IFT57: variants seen among roughly 807,000 people sequenced by gnomAD.
The protein encoded by IFT57 is intraflagellar transport protein 57 homolog.
A neutral mutation model predicts 56.8 loss-of-function variants in IFT57; 59 were observed. The observed-to-expected ratio is 1.04, with a 90% CI of 0.84 to 1.29. IFT57 has a LOEUF of 1.29. IFT57 is among the 50% of genes most tolerant of loss of function. The probability of loss-of-function intolerance (pLI) is 0.00; values close to 1 mark genes in which losing one functional copy is unlikely to be tolerated. For synonymous variants in IFT57, 209 were observed against 186.1 expected (o/e 1.12, Z -1.00); for missense variants, 470 against 522.1 (o/e 0.90, Z 0.97).
At chr3:108,210,811 G>A (rs1290466065) in intron 4 of IFT57, among the ~76,000 whole-genome samples, 1 of 152,170 alleles carries the variant, frequency 6.6e-6, no homozygotes, top group Non-Finnish European at 1.5e-5. Flanking sequence ...GAGACTTGAT[G>A]CAAGGGAATG....
intron 6 of IFT57, among the ~76,000 whole-genome samples, chr3:108,189,658 T>C (rs2080204187): frequency 6.6e-6 from 1 of 152,140 alleles, no homozygotes; most frequent in Non-Finnish European, 1.5e-5. Context: ...AGAATAGTAT[T>C]GCCTAGTTAC....
intron 4 of IFT57, among the ~76,000 whole-genome samples, chr3:108,209,130 G>T (rs995943500): frequency 6.6e-6 from 1 of 152,142 alleles, no homozygotes; most frequent in Non-Finnish European, 1.5e-5. Context: ...TTACAGAAAT[G>T]AGAATTGTGA....
At chr3:108,220,276 A>G (rs1419126066) in intron 1 of IFT57, among the ~76,000 whole-genome samples, 5 of 152,244 alleles carry the variant, frequency 3.3e-5, no homozygotes, top group African/African-American at 1.2e-4. Context: ...TACGAGGATC[A>G]GTATGATTTA....
intron 6 of IFT57, among the ~76,000 whole-genome samples, chr3:108,183,539 A>C (rs566201845): frequency 6.6e-6 from 1 of 152,256 alleles, no homozygotes; most frequent in East Asian, 1.9e-4. Flanking sequence ...CTTCTAGTTT[A>C]GCCCACCTGA....
chr3:108,198,082 A>G (rs2080253312), intron 5 of IFT57, among the ~76,000 whole-genome samples: 1 of 152,126 alleles, frequency 6.6e-6, no homozygotes, highest in Admixed American at 6.6e-5. Context: ...TGAAACAGGG[A>G]GTCTTATTAC....
chr3:108,162,519 C>A lies in IFT57; in HGVS notation c.1248G>T (p.Met416Ile). Reference sequence around the variant, plus strand: ...CTGGTTCTGGAATAACTGTGGCATGCATGTTCCTAGTCATGTTGGACTTCT... The same window carrying A: ...CTGGTTCTGGAATAACTGTGGCATGAATGTTCCTAGTCATGTTGGACTTCT... ...LKEKSNMTRN[M>I]HATVIPEPAT... is the part of the protein sequence containing the mutation. Residue 416 changes from methionine (M) to isoleucine (I), a missense_variant, in exon 11 of 11, where the codon ATG (methionine) becomes ATT (isoleucine). By Grantham distance (10) the Met-to-Ile change is conservative. Transcript: ENST00000264538. The A allele has an allele frequency of 6.2e-7, 1 of 1,610,016 alleles. No individual in the cohort carries two copies. The highest frequency in any genetic ancestry group is 8.5e-7 in the Non-Finnish European group (1 of 1,177,448).
At chr3:108,189,280 T>G (rs2080201966) in intron 6 of IFT57, among the ~76,000 whole-genome samples, 2 of 152,198 alleles carry the variant, frequency 1.3e-5, no homozygotes. Context: ...TGAATAGAAT[T>G]TGTTCTACAG....
At chr3:108,193,652 A>T (rs1037080490) in intron 5 of IFT57, among the ~76,000 whole-genome samples, 1 of 152,218 alleles carries the variant, frequency 6.6e-6, no homozygotes, top group African/African-American at 2.4e-5. Flanking sequence ...GTAGCCCAAG[A>T]GTATCATAGC....
intron 6 of IFT57, among the ~76,000 whole-genome samples, chr3:108,177,400 C>T (rs2080130027): frequency 6.6e-6 from 1 of 151,546 alleles, no homozygotes; most frequent in African/African-American, 2.4e-5. Flanking sequence ...GACAAAGATC[C>T]CTAAAAACAA....
intron 9 of IFT57, among the ~76,000 whole-genome samples, chr3:108,164,297 C>G (rs954392108): frequency 1.3e-5 from 2 of 152,022 alleles, no homozygotes; most frequent in African/African-American, 4.8e-5. Flanking sequence ...CACACTTGTT[C>G]CTATCTGCAC....
At chr3:108,209,406 C>A (rs1275934096) in intron 4 of IFT57, among the ~76,000 whole-genome samples, 1 of 152,098 alleles carries the variant, frequency 6.6e-6, no homozygotes, top group Non-Finnish European at 1.5e-5. Context: ...AAATTATAAC[C>A]ATGCTATGTA....
At chr3:108,179,700 CTT>C (rs1357776579) in intron 6 of IFT57, among the ~76,000 whole-genome samples, 1 of 151,906 alleles carries the variant, frequency 6.6e-6, no homozygotes, top group Non-Finnish European at 1.5e-5. Flanking sequence ...AATTAAATAA[CTT>C]TTTAAAAATG....
intron 5 of IFT57, among the ~76,000 whole-genome samples, chr3:108,191,974 G>A (rs2080217581): frequency 6.6e-6 from 1 of 152,048 alleles, no homozygotes; most frequent in South Asian, 2.1e-4. Flanking sequence ...GGTAACAGTA[G>A]AGAAGATGTT....
intron 2 of IFT57, among the ~76,000 whole-genome samples, chr3:108,219,126 A>T (rs1576053026): frequency 7.1e-6 from 1 of 141,628 alleles, no homozygotes; most frequent in Non-Finnish European, 1.6e-5. Context: ...ATTTTTTTTT[A>T]ATTATCATTT....
intron 5 of IFT57, among the ~76,000 whole-genome samples, chr3:108,198,067 C>T (rs2080253079): frequency 6.6e-6 from 1 of 152,038 alleles, no homozygotes; most frequent in African/African-American, 2.4e-5. Context: ...CCAATAATAA[C>T]ACCATGAAAC....
chr3:108,162,558 T>G lies in IFT57; in HGVS notation c.1209A>C (p.Gln403His), dbSNP rs371511443. The G allele has an allele frequency of 1.9e-5, 30 of 1,612,864 alleles. No individual in the cohort carries two copies. The highest frequency in any genetic ancestry group is 2.5e-5 in the Non-Finnish European group (29 of 1,179,148). ...TGTTGGACTTCTCCTTCAGCTTTGA[T>G]TGGAGTAGTGTGTGTTCCACAATGC... ...RIGIVEHTLL[Q>H]SKLKEKSNMT... Residue 403 changes from glutamine to histidine, a missense_variant, in exon 11 of 11, where the codon CAA (glutamine) becomes CAC (histidine). Gln to His is a conservative substitution (Grantham distance 24, BLOSUM62 0). Coordinates refer to ENST00000264538, the MANE Select transcript of IFT57 (RefSeq NM_018010.4).
chr3:108,180,024 T>A (rs965595360), intron 6 of IFT57, among the ~76,000 whole-genome samples: 1 of 151,998 alleles, frequency 6.6e-6, no homozygotes, highest in Non-Finnish European at 1.5e-5. Context: ...TAGAAATTCA[T>A]CTCATTGTAG....
rs80112750 is a variant in IFT57 at position 108,204,093 on chromosome 3, T to C, written c.654+2535A>G. On this transcript the variant is annotated intron_variant, in intron 5 of 10. Transcript: ENST00000264538. Reference sequence around the variant, plus strand: ...TACTAACCTATATAGCAATTTTGTCTTGGGGAAAGAGCAGCCCAAACCATC... The same window carrying C: ...TACTAACCTATATAGCAATTTTGTCCTGGGGAAAGAGCAGCCCAAACCATC... Among the ~76,000 whole-genome samples the C allele has an allele frequency of 4.7e-3, 720 of 152,310 alleles. 4 individuals carry two copies. Among genetic ancestry groups the C allele is most frequent in the African/African-American group, 0.016 (683 of 41,564 alleles).
At chr3:108,191,787 C>T (rs1390904535) in intron 5 of IFT57, 144 bp from the exon 6 acceptor site, 2 of 499,088 alleles carry the variant, frequency 4.0e-6, no homozygotes, top group Non-Finnish European at 6.7e-6. Context: ...TTTCTGTCTT[C>T]CTACAATGTT....
Sources: allele counts gnomAD v4.1 joint callset (sites outside exome capture counted in the v4.1 genomes callset), GRCh38; gene constraint gnomAD v4.1.1; transcripts MANE v1.5; gene names NCBI Gene and HGNC (gene_info 2026-07-23, HGNC 2026-07-21).